TLR7: variants seen among roughly 807,000 people sequenced by gnomAD.
The protein encoded by TLR7 is toll-like receptor 7.
Under a neutral mutation model 38.3 loss-of-function variants are expected in TLR7, and 12 were observed. The ratio of observed to expected loss-of-function variants is 0.31; its 90% CI spans 0.20 to 0.51. TLR7 has a LOEUF of 0.51. Ranked by LOEUF, TLR7 falls within the 20% of genes least tolerant of loss-of-function variation. TLR7 has a pLI of 0.98. For missense variants in TLR7, 504 were observed against 743.4 expected (o/e 0.68, Z 3.74); for synonymous variants, 285 against 293.8 (o/e 0.97, Z 0.31).
At chrX:12,868,840 C>G (rs1027101736) in intron 2 of TLR7, among the ~76,000 whole-genome samples, 3 of 111,776 alleles carry the variant, frequency 2.7e-5, no homozygotes, top group African/African-American at 9.8e-5. Context: ...GAAACAACTG[C>G]TTACGGTTTC....
Position 12,885,701 on chromosome X carries a change from A to G in TLR7, c.193A>G (p.Thr65Ala), listed in dbSNP as rs2042908064. ...HLTEIPGGIPTNTTNLTLTIN... is the reference protein window; with the variant it reads ...HLTEIPGGIPANTTNLTLTIN... The stretch of plus-strand genomic sequence containing the variant: ...GACAGAAATTCCTGGAGGTATTCCC[A>G]CGAACACCACGAACCTCACCCTCAC... Residue 65 changes from threonine to alanine, a missense_variant, in exon 3 of 3, where the codon ACG becomes GCG. Transcript: ENST00000380659. 3 of 1,211,351 alleles carry G rather than the reference A, an allele frequency of 2.5e-6. No individual in the cohort carries two copies. In the Admixed American group the frequency reaches 6.5e-5, roughly 26 times the overall value.
Position 12,874,219 on chromosome X carries a change from C to T in TLR7, c.3+6638C>T, listed in dbSNP as rs185743878. Among the ~76,000 whole-genome samples the T allele has an allele frequency of 3.8e-3, 421 of 110,657 alleles. 4 individuals are homozygous for T. Among genetic ancestry groups the T allele is most frequent in the African/African-American group, 0.014 (411 of 30,369 alleles). ...TCTGTAATCCCAGATACTCAGGAGG[C>T]TGAGGCAGGAGAATCACTTGAACCG... On this transcript the variant is annotated intron_variant, in intron 2 of 2. Transcript: ENST00000380659.
chrX:12,887,608 C>A lies in TLR7; in HGVS notation c.2100C>A (p.Asn700Lys). 1 of 1,209,737 alleles carries A rather than the reference C, an allele frequency of 8.3e-7. No homozygotes were observed. Among genetic ancestry groups the A allele is most frequent in the Non-Finnish European group, 1.1e-6 (1 of 894,599 alleles). ...GGAAGAAACTCCAGTGTCTAAAGAACCTGGAAACTTTGGACCTCAGCCACA... is the reference window on the plus strand; with the variant it reads ...GGAAGAAACTCCAGTGTCTAAAGAAACTGGAAACTTTGGACCTCAGCCACA... ...FSWKKLQCLKNLETLDLSHNQ... is the reference protein window; with the variant it reads ...FSWKKLQCLKKLETLDLSHNQ... The change falls in exon 3 of 3, where the codon AAC becomes AAA. Residue 700 changes from asparagine (N) to lysine (K), a missense_variant. Physicochemically the swap from Asn to Lys is moderately conservative, Grantham distance 94. Transcript: ENST00000380659.
chrX:12,871,608 C>CT lies in TLR7; in HGVS notation c.3+4030dup, dbSNP rs1184757364. 2.7e-5 allele frequency among the ~76,000 whole-genome samples: 3 copies of CT among 112,144 alleles called. No individual in the cohort carries two copies. In the East Asian group the frequency reaches 8.4e-4, roughly 31 times the overall value. ...CTCACACGTCTTGGCTCAAGCAACT[C>CT]TTTGTCTTAGAAATGCAGATCCCAA... On this transcript the variant is annotated intron_variant, in intron 2 of 2. Coordinates refer to ENST00000380659, the MANE Select transcript of TLR7 (RefSeq NM_016562.4).
Position 12,885,756 on chromosome X carries a change from C to T in TLR7, c.248C>T (p.Ala83Val), listed in dbSNP as rs143823510. 4.3e-4 allele frequency: 523 copies of T among 1,210,353 alleles called. No individual in the cohort carries two copies. Among genetic ancestry groups the T allele is most frequent in the Non-Finnish European group, 5.4e-4 (483 of 895,318 alleles). Residue 83 changes from alanine (A) to valine (V), a missense_variant, in exon 3 of 3, where the codon GCG (alanine) becomes GTG (valine). By Grantham distance (64) the Ala-to-Val change is moderately conservative (BLOSUM62 0). Coordinates refer to ENST00000380659, the MANE Select transcript of TLR7 (RefSeq NM_016562.4). ...TINHIPDISP[A>V]SFHRLDHLVE... The stretch of plus-strand genomic sequence containing the variant: ...AACCACATACCAGACATCTCCCCAG[C>T]GTCCTTTCACAGACTGGACCATCTG...
In TLR7 at chrX:12,888,037, C is replaced by T; in HGVS notation, c.2529C>T (p.Phe843=). The T allele has an allele frequency of 8.3e-7, 1 of 1,211,664 alleles. No individual in the cohort carries two copies. Among genetic ancestry groups the T allele is most frequent in the Non-Finnish European group, 1.1e-6 (1 of 895,366 alleles). ...CELDLTNLIL[F]SLSISVSLFL... Reference sequence around the variant, plus strand: ...TAGATCTGACTAACCTGATTCTGTTCTCACTTTCCATATCTGTATCTCTCT... The same window carrying T: ...TAGATCTGACTAACCTGATTCTGTTTTCACTTTCCATATCTGTATCTCTCT... Residue 843 remains phenylalanine (F), a synonymous_variant, in exon 3 of 3, where the codon TTC becomes TTT. Transcript: ENST00000380659.
chrX:12,876,581 A>G (rs1214557565), intron 2 of TLR7, among the ~76,000 whole-genome samples: 1 of 112,143 alleles, frequency 8.9e-6, no homozygotes, highest in African/African-American at 3.2e-5. Context: ...AATATAAACA[A>G]CAAGTCTGCC....
rs753405332 is a variant in TLR7 at position 12,888,957 on chromosome X, TA to T, written c.*301del. 1 of 237,628 alleles carries T rather than the reference TA, an allele frequency of 4.2e-6. No homozygotes were observed. The highest frequency in any genetic ancestry group is 2.9e-5 in the African/African-American group (1 of 34,926). 19.6% of individuals were successfully genotyped at this position (237,628 alleles called of 1,213,427 possible). ...GGCTCTGATTCTCCTGTAATTGTGA[TA>T]ATTAAATATACACACAATCATGACA... On this transcript the variant is annotated 3_prime_UTR_variant, in exon 3 of 3. Coordinates refer to ENST00000380659, the MANE Select transcript of TLR7 (RefSeq NM_016562.4).
At position 12,887,495 on chromosome X, in the gene TLR7, A is replaced by C. The variant is rs1398029517; in HGVS notation, c.1987A>C (p.Ser663Arg). Residue 663 changes from serine to arginine, a missense_variant, in exon 3 of 3, where the codon AGT becomes CGT. Ser to Arg is a moderately radical substitution (Grantham distance 110). Transcript: ENST00000380659. ...ATTAGACATCTCTAAAAATTCCCTA[A>C]GTTTCTTGCCTTCTGGAGTTTTTGA... is the stretch of plus-strand genomic sequence containing the variant. ...EELDISKNSL[S>R]FLPSGVFDGM... 2.5e-6 allele frequency: 3 copies of C among 1,209,266 alleles called. No individual in the cohort carries two copies. The Admixed American group carries it at 6.6e-5, about 26-fold the overall frequency.
intron 2 of TLR7, among the ~76,000 whole-genome samples, chrX:12,882,995 G>A (rs1181571532): frequency 9.0e-6 from 1 of 111,616 alleles, no homozygotes; most frequent in Non-Finnish European, 1.9e-5. Flanking sequence ...ATTACCAATT[G>A]CCTCCTGATA....
chrX:12,875,295 G>C (rs1003913617), intron 2 of TLR7, among the ~76,000 whole-genome samples: 4 of 112,084 alleles, frequency 3.6e-5, no homozygotes, highest in Non-Finnish European at 7.5e-5. Context: ...GAGCAGCAGA[G>C]TATTTGGTTC....
At chrX:12,872,264 A>G (rs1168610923) in intron 2 of TLR7, among the ~76,000 whole-genome samples, 2 of 111,568 alleles carry the variant, frequency 1.8e-5, no homozygotes, top group African/African-American at 6.5e-5. Flanking sequence ...GCTTTCTATC[A>G]TGGGTCCAGG....
intron 2 of TLR7, among the ~76,000 whole-genome samples, chrX:12,881,175 C>CCCGGAG (rs1253982007): frequency 4.6e-5 from 5 of 108,452 alleles, no homozygotes; most frequent in African/African-American, 1.7e-4. Flanking sequence ...TGCAGTGAAC[C>CCCGGAG]GAGATTATGC....
Position 12,887,852 on chromosome X carries a change from C to G in TLR7, c.2344C>G (p.His782Asp), listed in dbSNP as rs2042916727. ...CAATCTGAAGATGTTGCTTTTGCAT[C>G]ATAATCGGTTTCTGTGCACCTGTGA... ...LNNLKMLLLH[H>D]NRFLCTCDAV... The change falls in exon 3 of 3, where the codon CAT (histidine) becomes GAT (aspartate). Residue 782 changes from histidine to aspartate, a missense_variant. By Grantham distance (81) the His-to-Asp change is moderately conservative (BLOSUM62 -1). Coordinates refer to ENST00000380659, the MANE Select transcript of TLR7 (RefSeq NM_016562.4). The G allele has an allele frequency of 8.3e-7, 1 of 1,211,717 alleles. No homozygotes were observed. The highest frequency in any genetic ancestry group is 1.1e-6 in the Non-Finnish European group (1 of 895,406).
chrX:12,882,787 G>A (rs192009455), intron 2 of TLR7, among the ~76,000 whole-genome samples: 6 of 111,818 alleles, frequency 5.4e-5, no homozygotes, highest in Non-Finnish European at 1.1e-4. Context: ...CCTCGGAAAC[G>A]CAGTATGAGG....
rs1370746032 is a variant in TLR7, at chrX:12,885,622, C to T, written c.114C>T (p.Val38=). The T allele has an allele frequency of 8.3e-7, 1 of 1,210,242 alleles. No homozygotes were observed. Among genetic ancestry groups the T allele is most frequent in the African/African-American group, 1.7e-5 (1 of 57,236 alleles). ...TTCCTAAAACTCTGCCCTGTGATGT[C>T]ACTCTGGATGTTCCAAAGAACCATG... ...RWFPKTLPCD[V]TLDVPKNHVI... is the part of the protein sequence containing the mutation. The change falls in exon 3 of 3, where the codon GTC becomes GTT. Residue 38 remains valine (V), a synonymous_variant. Transcript: ENST00000380659.
intron 2 of TLR7, among the ~76,000 whole-genome samples, chrX:12,872,194 A>G (rs2042855479): frequency 8.9e-6 from 1 of 111,846 alleles, no homozygotes; most frequent in Non-Finnish European, 1.9e-5. Context: ...CCAGTTACCT[A>G]TCACTGCGTA....
chrX:12,871,369 A>AC (rs2042851851), intron 2 of TLR7, among the ~76,000 whole-genome samples: 1 of 112,331 alleles, frequency 8.9e-6, no homozygotes, highest in East Asian at 2.8e-4. Context: ...CTCTAGGGAG[A>AC]CATACACAAC....
At chrX:12,873,256 A>G (rs1473029252) in intron 2 of TLR7, among the ~76,000 whole-genome samples, 4 of 111,742 alleles carry the variant, frequency 3.6e-5, no homozygotes, top group Admixed American at 9.5e-5. Flanking sequence ...AAGCTGCCCT[A>G]TTTATCGTCA....
Sources: gnomAD v4.1 joint callset for allele counts (sites outside exome capture counted in the v4.1 genomes callset) on GRCh38, gnomAD v4.1.1 for gene constraint, MANE v1.5 for transcripts, NCBI Gene and HGNC (gene_info 2026-07-23, HGNC 2026-07-21) for gene names.